The following HDAC9 variants were observed in gnomAD, a reference collection of about 807,000 sequenced individuals.
HDAC9 encodes MEF-2 interacting transcription repressor (MITR) protein.
In HDAC9, 41 loss-of-function variants were observed where a neutral mutation model predicts 139.4. That is an observed-to-expected ratio of 0.29 (90% CI 0.23 to 0.38). The LOEUF is 0.38. Ranked by LOEUF, HDAC9 falls within the 10% of genes least tolerant of loss-of-function variation. The probability of loss-of-function intolerance (pLI) is 1.00; values close to 1 mark genes in which losing one functional copy is unlikely to be tolerated. For missense variants in HDAC9, 1,147 were observed against 1,297.0 expected, an observed-to-expected ratio of 0.88 and a Z score of 1.78; for synonymous variants, 517 against 476.2, an observed-to-expected ratio of 1.09 and a Z score of -1.12.
intron 1 of HDAC9, among the ~76,000 whole-genome samples, chr7:18,124,954 G>C (rs1584190691): frequency 6.6e-6 from 1 of 151,078 alleles, no homozygotes; most frequent in Non-Finnish European, 1.5e-5. Flanking sequence ...AGTGGTTGTT[G>C]GGGGAAGCTT....
At chr7:18,920,610 G>T (rs1057307425) in intron 22 of HDAC9, among the ~76,000 whole-genome samples, 4 of 152,132 alleles carry the variant, frequency 2.6e-5, no homozygotes, top group African/African-American at 9.7e-5. Context: ...TGTCCATTCA[G>T]TAAGATATTG....
At chr7:18,239,553 C>T (rs924000369) in intron 2 of HDAC9, among the ~76,000 whole-genome samples, 1 of 152,314 alleles carries the variant, frequency 6.6e-6, no homozygotes, top group Admixed American at 6.5e-5. Flanking sequence ...ACCCGTAGAT[C>T]AGCGTCATTG....
At chr7:18,621,915 T>G (rs1307640496) in intron 6 of HDAC9, among the ~76,000 whole-genome samples, 1 of 152,218 alleles carries the variant, frequency 6.6e-6, no homozygotes, top group East Asian at 1.9e-4. Context: ...ATAACTGTAG[T>G]GATTACTGAT....
intron 1 of HDAC9, among the ~76,000 whole-genome samples, chr7:18,457,560 G>A (rs1793452566): frequency 6.6e-6 from 1 of 152,058 alleles, no homozygotes. Flanking sequence ...GTTGCTGTCT[G>A]CCCCTGTGCA....
chr7:18,521,331 T>A (rs1475125572), intron 2 of HDAC9, among the ~76,000 whole-genome samples: 1 of 152,142 alleles, frequency 6.6e-6, no homozygotes, highest in Non-Finnish European at 1.5e-5. Context: ...TTATGTTGGA[T>A]CCTATCTACC....
chr7:18,814,990 G>T (rs1794456018), intron 17 of HDAC9, among the ~76,000 whole-genome samples: 1 of 151,110 alleles, frequency 6.6e-6, no homozygotes, highest in Admixed American at 6.6e-5. Flanking sequence ...TATTACTGTT[G>T]ATTGAAGGCA....
intron 14 of HDAC9, among the ~76,000 whole-genome samples, chr7:18,751,731 T>C (rs1405646695): frequency 6.6e-6 from 1 of 152,122 alleles, no homozygotes; most frequent in Non-Finnish European, 1.5e-5. Context: ...TTAGAAAGTA[T>C]TAACTAAACA....
At position 18,106,734 on chromosome 7, in the gene HDAC9, G is replaced by A. The variant is rs920500525; in HGVS notation, c.-97+19521G>A. 7.9e-5 allele frequency among the ~76,000 whole-genome samples: 12 copies of A among 152,144 alleles called. 1 individual carries two copies. Among genetic ancestry groups the A allele is most frequent in the Admixed American group, 6.6e-4 (10 of 15,266 alleles). ...CTCCCAGTGTGCTGGGATTACAGGC[G>A]TGAGCCACCGTGGCTGGCCCTGTGT... is the stretch of plus-strand genomic sequence containing the variant. On this transcript the variant is annotated intron_variant, in intron 1 of 12. Coordinates refer to the HDAC9 transcript ENST00000417496.
intron 21 of HDAC9, among the ~76,000 whole-genome samples, chr7:18,846,904 T>C (rs1796945485): frequency 6.6e-6 from 1 of 152,122 alleles, no homozygotes; most frequent in Admixed American, 6.6e-5. Flanking sequence ...TCTAATGAAA[T>C]CCAGAAGGCC....
At chr7:18,599,149 T>C (rs1471419883) in intron 6 of HDAC9, among the ~76,000 whole-genome samples, 9 of 152,250 alleles carry the variant, frequency 5.9e-5, no homozygotes, top group African/African-American at 2.2e-4. Flanking sequence ...TAGCAGACTT[T>C]AATTTTAAGA....
rs769941897 is a variant in HDAC9, at chr7:18,496,281, G to C, written c.-22G>C. ...CCTCAGATGGGGTGGCTGGACGAGA[G>C]CAGCTCTTGGCTCAGCAAAGAATGC... On this transcript the variant is annotated 5_prime_UTR_variant, in exon 2 of 26. Coordinates refer to ENST00000686413, the MANE Select transcript of HDAC9 (RefSeq NM_178425.4). 11 of 1,613,186 alleles carry C rather than the reference G, an allele frequency of 6.8e-6. No homozygotes were observed. Among genetic ancestry groups the C allele is most frequent in the Non-Finnish European group, 8.5e-6 (10 of 1,179,442 alleles).
chr7:18,584,545 CT>C (rs1171565437), intron 2 of HDAC9, among the ~76,000 whole-genome samples: 1 of 152,090 alleles, frequency 6.6e-6, no homozygotes, highest in Non-Finnish European at 1.5e-5. Context: ...ATCATCAAAT[CT>C]TTTTTACTCC....
At chr7:18,236,120 A>G (rs892982441) in intron 2 of HDAC9, among the ~76,000 whole-genome samples, 4 of 152,256 alleles carry the variant, frequency 2.6e-5, no homozygotes, top group East Asian at 1.9e-4. Flanking sequence ...AAAAAGACCA[A>G]TGAGGAGCTA....
At chr7:18,719,331 C>CTCTTTTTTTTTTT (rs1784951537) in intron 12 of HDAC9, among the ~76,000 whole-genome samples, 1 of 73,896 alleles carries the variant, frequency 1.4e-5, no homozygotes, top group African/African-American at 6.6e-5. Flanking sequence ...TTTTCTCTTC[C>CTCTTTTTTTTTTT]TTTTTTTTTT....
At chr7:18,337,683 T>C (rs1406983691) in intron 1 of HDAC9, among the ~76,000 whole-genome samples, 2 of 151,728 alleles carry the variant, frequency 1.3e-5, no homozygotes, top group Non-Finnish European at 3.0e-5. Context: ...TAGAAATATT[T>C]AGTCGCCATA....
intron 11 of HDAC9, among the ~76,000 whole-genome samples, chr7:18,664,811 C>A (rs1794333341): frequency 6.6e-6 from 1 of 152,108 alleles, no homozygotes; most frequent in Non-Finnish European, 1.5e-5. Context: ...TTTTGTCATA[C>A]TTGAAAATAG....
chr7:18,623,410 ATC>A (rs373333352), intron 6 of HDAC9, among the ~76,000 whole-genome samples: 3 of 152,056 alleles, frequency 2.0e-5, no homozygotes, highest in East Asian at 4.0e-4. Context: ...AATTGCAGCC[ATC>A]TCTCTCTCTA....
Position 18,293,907 on chromosome 7 carries a change from A to G in HDAC9, c.-42+3392A>G, listed in dbSNP as rs989971819. 5.9e-5 allele frequency among the ~76,000 whole-genome samples: 9 copies of G among 152,290 alleles called. No individual in the cohort carries two copies. The South Asian group carries it at 1.0e-3, about 18-fold the overall frequency. On this transcript the variant is annotated intron_variant, in intron 1 of 3. Coordinates refer to the HDAC9 transcript ENST00000413509. ...AACATTTAATAAGTTTTAAAAATCA[A>G]TAAACATTAGTGCTTGATTTAAATG... is the stretch of plus-strand genomic sequence containing the variant.
intron 2 of HDAC9, among the ~76,000 whole-genome samples, chr7:18,283,766 A>G (rs955818414): frequency 6.6e-6 from 1 of 152,188 alleles, no homozygotes; most frequent in Non-Finnish European, 1.5e-5. Flanking sequence ...AATCACCCTT[A>G]TTTATAGATG....
Sources: allele counts gnomAD v4.1 joint callset (sites outside exome capture counted in the v4.1 genomes callset), GRCh38; gene constraint gnomAD v4.1.1; transcripts MANE v1.5; gene names NCBI Gene and HGNC (gene_info 2026-07-23, HGNC 2026-07-21).